Variants in IGF2BP3 observed in about 807,000 individuals in gnomAD.
The protein encoded by IGF2BP3 is insulin-like growth factor 2 mRNA-binding protein 3.
Under a neutral mutation model 73.8 loss-of-function variants are expected in IGF2BP3, and 9 were observed. That is an observed-to-expected ratio of 0.12 (90% CI 0.07 to 0.21). The LOEUF is 0.21. IGF2BP3 is among the 10% of genes least tolerant of loss of function. The pLI, the probability that IGF2BP3 is intolerant of heterozygous loss-of-function variation, is 1.00. For synonymous variants in IGF2BP3, 258 were observed against 256.7 expected, an observed-to-expected ratio of 1.01 and a Z score of -0.05; for missense variants, 542 against 714.0, an observed-to-expected ratio of 0.76 and a Z score of 2.75.
chr7:23,312,352 T>C lies in IGF2BP3; in HGVS notation c.*10A>G. The stretch of plus-strand genomic sequence containing the variant: ...GCATCTGCCTCTGTGGTGGGCTGTT[T>C]CCTGAGCCTTTACTTCCGTCTTGAC... On this transcript the variant is annotated 3_prime_UTR_variant, in exon 15 of 15. Coordinates refer to ENST00000258729, the MANE Select transcript of IGF2BP3 (RefSeq NM_006547.3). The C allele has an allele frequency of 6.2e-7, 1 of 1,601,014 alleles. No homozygotes were observed. The highest frequency in any genetic ancestry group is 8.6e-7 in the Non-Finnish European group (1 of 1,169,576).
intron 11 of IGF2BP3, 160 bp from the exon 12 acceptor site, chr7:23,317,873 T>C: frequency 1.5e-6 from 1 of 649,566 alleles, no homozygotes; most frequent in Non-Finnish European, 2.8e-6. Flanking sequence ...GGTTCACAAT[T>C]TAGGCCTCCC....
At chr7:23,395,401 AC>A (rs1054352386) in intron 3 of IGF2BP3, among the ~76,000 whole-genome samples, 3 of 152,156 alleles carry the variant, frequency 2.0e-5, no homozygotes, top group African/African-American at 7.2e-5. Flanking sequence ...AAAATAAAAA[AC>A]AACACAAAGA....
At chr7:23,444,954 A>G (rs567176895) in intron 2 of IGF2BP3, among the ~76,000 whole-genome samples, 12 of 152,198 alleles carry the variant, frequency 7.9e-5, no homozygotes, top group African/African-American at 2.9e-4. Flanking sequence ...GCTCCTCAGG[A>G]AGCTAAGGTG....
At chr7:23,466,850 T>C (rs1185412694) in intron 2 of IGF2BP3, among the ~76,000 whole-genome samples, 2 of 152,246 alleles carry the variant, frequency 1.3e-5, no homozygotes, top group African/African-American at 4.8e-5. Flanking sequence ...CATTTTTAAA[T>C]TTAGAAACTC....
At chr7:23,317,080 T>C (rs1338222361) in intron 12 of IGF2BP3, among the ~76,000 whole-genome samples, 1 of 152,186 alleles carries the variant, frequency 6.6e-6, no homozygotes, top group Non-Finnish European at 1.5e-5. Context: ...CTCTACCATC[T>C]CTCAGTAGAC....
intron 10 of IGF2BP3, among the ~76,000 whole-genome samples, chr7:23,328,537 A>C (rs753093951): frequency 5.3e-5 from 8 of 152,230 alleles, no homozygotes; most frequent in Non-Finnish European, 1.2e-4. Context: ...AAAACACTCC[A>C]GAAATAACAA....
intron 8 of IGF2BP3, 46 bp downstream of exon 8, chr7:23,345,894 T>C (rs1784817147): frequency 1.3e-6 from 2 of 1,597,188 alleles, no homozygotes; most frequent in Non-Finnish European, 1.7e-6. Context: ...ACATGCAGCT[T>C]ACAGTGTTGG....
intron 10 of IGF2BP3, among the ~76,000 whole-genome samples, chr7:23,326,566 G>T (rs1372404481): frequency 6.6e-6 from 1 of 151,674 alleles, no homozygotes; most frequent in Admixed American, 6.6e-5. Context: ...CCAATCACTG[G>T]GTATATACCC....
chr7:23,411,981 TCTC>T (rs149151809), intron 3 of IGF2BP3, among the ~76,000 whole-genome samples: 16 of 148,268 alleles, frequency 1.1e-4, no homozygotes, highest in East Asian at 7.8e-4. Context: ...CCCACTTATT[TCTC>T]TTTTTTTTTT....
chr7:23,375,659 A>G (rs1785694446), intron 3 of IGF2BP3, among the ~76,000 whole-genome samples: 1 of 152,226 alleles, frequency 6.6e-6, no homozygotes, highest in Non-Finnish European at 1.5e-5. Flanking sequence ...AAATCACAGA[A>G]TAAGAAGTGA....
chr7:23,387,502 G>A (rs575734763), intron 3 of IGF2BP3, among the ~76,000 whole-genome samples: 65 of 150,926 alleles, frequency 4.3e-4, no homozygotes, highest in African/African-American at 1.6e-3. Flanking sequence ...TAATAATTTG[G>A]TTCTTTAATT....
At chr7:23,459,599 G>A (rs1237779316) in intron 2 of IGF2BP3, among the ~76,000 whole-genome samples, 15 of 151,576 alleles carry the variant, frequency 9.9e-5, no homozygotes, top group Admixed American at 7.9e-4. Flanking sequence ...TTGGGAGGCC[G>A]AGGTGGGCAA....
chr7:23,404,595 G>C (rs1407367384), intron 3 of IGF2BP3, among the ~76,000 whole-genome samples: 2 of 152,122 alleles, frequency 1.3e-5, no homozygotes, highest in Non-Finnish European at 2.9e-5. Context: ...CTGAGGAAAG[G>C]TATTTGTGAA....
intron 2 of IGF2BP3, among the ~76,000 whole-genome samples, chr7:23,442,002 C>G (rs1430586521): frequency 1.3e-5 from 2 of 152,096 alleles, no homozygotes; most frequent in Non-Finnish European, 2.9e-5. Flanking sequence ...TGGTGCATGC[C>G]TGTAATCCCA....
chr7:23,441,370 C>T (rs955336429), intron 2 of IGF2BP3, among the ~76,000 whole-genome samples: 1 of 151,626 alleles, frequency 6.6e-6, no homozygotes, highest in African/African-American at 2.4e-5. Flanking sequence ...GTCAAGAGAT[C>T]GAGACCATCC....
At chr7:23,396,281 A>G (rs577105648) in intron 3 of IGF2BP3, among the ~76,000 whole-genome samples, 1 of 152,020 alleles carries the variant, frequency 6.6e-6, no homozygotes, top group East Asian at 1.9e-4. Context: ...AGGGGTGCAC[A>G]CCTATAGCCC....
At chr7:23,446,640 T>C (rs1213417300) in intron 2 of IGF2BP3, among the ~76,000 whole-genome samples, 1 of 152,180 alleles carries the variant, frequency 6.6e-6, no homozygotes, top group African/African-American at 2.4e-5. Context: ...ATAGTAGCAG[T>C]GACAGTTGCT....
At position 23,470,289 on chromosome 7, in the gene IGF2BP3, T is replaced by G; in HGVS notation, c.-179A>C. The G allele has an allele frequency of 2.0e-6, 1 of 502,396 alleles. No individual in the cohort carries two copies. The highest frequency in any genetic ancestry group is 3.3e-5 in the East Asian group (1 of 30,344). 31.1% of individuals were successfully genotyped at this position (502,396 alleles called of 1,614,324 possible). A position where few individuals can be genotyped will look rare whatever the true frequency, so the allele number is the denominator to read the frequency against. ...TGAAAAATCAGATCCGAGGCTTGTTTTTTCCTTGTCTAGATGTGTTTTAAA... is the reference window on the plus strand; with the variant it reads ...TGAAAAATCAGATCCGAGGCTTGTTGTTTCCTTGTCTAGATGTGTTTTAAA... On this transcript the variant is annotated 5_prime_UTR_variant, in exon 1 of 15. Coordinates refer to ENST00000258729, the MANE Select transcript of IGF2BP3 (RefSeq NM_006547.3).
chr7:23,392,035 C>A (rs923375420), intron 3 of IGF2BP3, among the ~76,000 whole-genome samples: 1 of 152,126 alleles, frequency 6.6e-6, no homozygotes, highest in African/African-American at 2.4e-5. Context: ...AGATAATGCA[C>A]CCAGATTAAA....
Sources: allele counts gnomAD v4.1 joint callset (sites outside exome capture counted in the v4.1 genomes callset), GRCh38; gene constraint gnomAD v4.1.1; transcripts MANE v1.5; gene names NCBI Gene and HGNC (gene_info 2026-07-23, HGNC 2026-07-21).